Variants in PKIB observed in about 807,000 individuals in gnomAD.
PKIB encodes cAMP-dependent protein kinase inhibitor beta.
PKIB carries 2 observed loss-of-function variants against 4.5 expected under a neutral mutation model. That is an observed-to-expected ratio of 0.44 (90% CI 0.18 to 1.39). The LOEUF is 1.39. Ranked by LOEUF, PKIB falls within the 40% of genes most tolerant of loss-of-function variation. PKIB has a pLI of 0.27. For synonymous variants in PKIB, 38 were observed against 36.0 expected, an observed-to-expected ratio of 1.06 and a Z score of -0.20; for missense variants, 94 against 92.6, an observed-to-expected ratio of 1.02 and a Z score of -0.06.
chr6:122,724,916 G>T (rs1779896910), intron 4 of PKIB, among the ~76,000 whole-genome samples: 1 of 152,056 alleles, frequency 6.6e-6, no homozygotes, highest in South Asian at 2.1e-4. Context: ...AAGACTGTCT[G>T]GCACTTCATA....
At chr6:122,586,749 G>A (rs893582591) in intron 3 of PKIB, among the ~76,000 whole-genome samples, 6 of 152,060 alleles carry the variant, frequency 3.9e-5, no homozygotes, top group South Asian at 2.1e-4. Context: ...GGCAGACAAC[G>A]GAGCAGATGG....
At chr6:122,547,190 G>A (rs1490626643) in intron 2 of PKIB, among the ~76,000 whole-genome samples, 20 of 152,036 alleles carry the variant, frequency 1.3e-4, no homozygotes, top group Admixed American at 1.3e-3. Context: ...AAGAAACAAG[G>A]TGTCACGCCC....
intron 2 of PKIB, among the ~76,000 whole-genome samples, chr6:122,639,254 A>G (rs1776038769): frequency 1.3e-5 from 2 of 152,232 alleles, no homozygotes; most frequent in African/African-American, 2.4e-5. Context: ...AATGGAAAAC[A>G]AAACAAAACA....
chr6:122,519,165 T>C (rs142827587), intron 2 of PKIB, among the ~76,000 whole-genome samples: 5 of 152,172 alleles, frequency 3.3e-5, no homozygotes, highest in Non-Finnish European at 5.9e-5. Context: ...TCCTGTCAGA[T>C]CAGCAGCTCC....
intron 3 of PKIB, among the ~76,000 whole-genome samples, chr6:122,594,184 T>C (rs1375867124): frequency 1.3e-5 from 2 of 151,078 alleles, no homozygotes; most frequent in Non-Finnish European, 1.5e-5. Context: ...TGTTACATAA[T>C]AAAGGAGAAA....
chr6:122,499,483 G>C (rs954511909), intron 2 of PKIB, among the ~76,000 whole-genome samples: 3 of 152,104 alleles, frequency 2.0e-5, no homozygotes, highest in African/African-American at 7.2e-5. Context: ...AGTAGACACA[G>C]AAAAAATCTC....
chr6:122,598,972 A>T (rs1009849393), intron 3 of PKIB, among the ~76,000 whole-genome samples: 1 of 152,200 alleles, frequency 6.6e-6, no homozygotes, highest in Admixed American at 6.5e-5. Context: ...GTTTATATGA[A>T]TTAAAGAACT....
intron 3 of PKIB, among the ~76,000 whole-genome samples, chr6:122,601,326 T>TA (rs1774357665): frequency 6.6e-6 from 1 of 152,094 alleles, no homozygotes; most frequent in Non-Finnish European, 1.5e-5. Context: ...GATATAATAT[T>TA]AAAATGACTT....
chr6:122,550,893 T>C (rs1772655401), intron 2 of PKIB, among the ~76,000 whole-genome samples: 1 of 152,364 alleles, frequency 6.6e-6, no homozygotes, highest in African/African-American at 2.4e-5. Flanking sequence ...GTCTTTATTT[T>C]ACCGTATCAC....
At chr6:122,672,162 A>G (rs1232830202) in intron 2 of PKIB, among the ~76,000 whole-genome samples, 1 of 152,120 alleles carries the variant, frequency 6.6e-6, no homozygotes, top group Non-Finnish European at 1.5e-5. Flanking sequence ...TGGTAGCCTC[A>G]TCTCTAAAGT....
At chr6:122,584,235 T>A (rs1181035736) in intron 2 of PKIB, among the ~76,000 whole-genome samples, 1 of 152,128 alleles carries the variant, frequency 6.6e-6, no homozygotes, top group Non-Finnish European at 1.5e-5. Context: ...CAGGATAGTA[T>A]CTCCATCTTA....
At chr6:122,597,647 A>G (rs969900664) in intron 3 of PKIB, among the ~76,000 whole-genome samples, 4 of 152,122 alleles carry the variant, frequency 2.6e-5, no homozygotes, top group Non-Finnish European at 5.9e-5. Flanking sequence ...AATCTCTGCA[A>G]TCTCTCCAGG....
intron 2 of PKIB, among the ~76,000 whole-genome samples, chr6:122,643,135 A>G (rs576557597): frequency 7.2e-5 from 11 of 152,288 alleles, no homozygotes; most frequent in African/African-American, 2.4e-4. Flanking sequence ...AGCTCTAAGA[A>G]TGCATTATCT....
At chr6:122,717,204 G>T (rs796484536) in intron 3 of PKIB, among the ~76,000 whole-genome samples, 3 of 10,256 alleles carry the variant, frequency 2.9e-4, no homozygotes, top group African/African-American at 5.8e-4. Context: ...ACCTAAAATA[G>T]GTCCTACTCT....
intron 2 of PKIB, among the ~76,000 whole-genome samples, chr6:122,662,216 T>C (rs1409305191): frequency 6.6e-6 from 1 of 151,116 alleles, no homozygotes; most frequent in Non-Finnish European, 1.5e-5. Context: ...AATTTATCAA[T>C]TTTTTTTGTC....
chr6:122,535,630 T>C (rs1343796034), intron 2 of PKIB, among the ~76,000 whole-genome samples: 4 of 152,162 alleles, frequency 2.6e-5, no homozygotes, highest in African/African-American at 9.7e-5. Flanking sequence ...GTTGTTCTTT[T>C]CAAGAAACCT....
At chr6:122,702,200 A>G (rs1778841577) in intron 3 of PKIB, among the ~76,000 whole-genome samples, 1 of 151,644 alleles carries the variant, frequency 6.6e-6, no homozygotes, top group Admixed American at 6.6e-5. Context: ...TAATCCGAAC[A>G]AAAGTCATGC....
chr6:122,526,448 A>G (rs1777094504), intron 2 of PKIB, among the ~76,000 whole-genome samples: 1 of 152,168 alleles, frequency 6.6e-6, no homozygotes, highest in Non-Finnish European at 1.5e-5. Context: ...TTAAATGTTG[A>G]AATTACCCCT....
chr6:122,719,212 A>G (rs1288860884), intron 4 of PKIB, among the ~76,000 whole-genome samples: 1 of 152,168 alleles, frequency 6.6e-6, no homozygotes, highest in African/African-American at 2.4e-5. Flanking sequence ...TACTGACATT[A>G]CTTAATCAAG....
Sources: gnomAD v4.1 joint callset for allele counts (sites outside exome capture counted in the v4.1 genomes callset) on GRCh38, gnomAD v4.1.1 for gene constraint, MANE v1.5 for transcripts, NCBI Gene and HGNC (gene_info 2026-07-23, HGNC 2026-07-21) for gene names.